ADK: variants seen among roughly 807,000 people sequenced by gnomAD.
ADK encodes adenosine kinase.
Under a neutral mutation model 44.7 loss-of-function variants are expected in ADK, and 24 were observed. The ratio of observed to expected loss-of-function variants is 0.54; its 90% confidence interval spans 0.39 to 0.76. The LOEUF is 0.76. ADK is among the 30% of genes least tolerant of loss of function. The probability of loss-of-function intolerance (pLI) is 0.00; values close to 1 mark genes in which losing one functional copy is unlikely to be tolerated. For missense variants in ADK, 321 were observed against 425.1 expected (o/e 0.76, Z 2.15); for synonymous variants, 128 against 142.6 (o/e 0.90, Z 0.73).
At chr10:74,403,865 T>TTTTTG (rs745739749) in intron 6 of ADK, among the ~76,000 whole-genome samples, 10 of 152,128 alleles carry the variant, frequency 6.6e-5, no homozygotes, top group South Asian at 2.1e-4. Context: ...CCTATTCCTT[T>TTTTTG]TTTTGTTTTG....
intron 4 of ADK, among the ~76,000 whole-genome samples, chr10:74,347,105 TCAAAAAAAAAAAAAAAAAAAAA>T (rs1564666727): frequency 3.3e-5 from 1 of 30,336 alleles, no homozygotes. Context: ...ACACTCTGTC[TCAAAAAAAAAAAAAAAAAAAAA>T]AAAAAAAAAA....
intron 7 of ADK, among the ~76,000 whole-genome samples, chr10:74,570,839 TGA>T (rs1403000510): frequency 6.6e-6 from 1 of 152,124 alleles, no homozygotes; most frequent in Non-Finnish European, 1.5e-5. Flanking sequence ...ATAGGAGTGG[TGA>T]GAGAGGGCAT....
rs780953296 is a variant in ADK, at chr10:74,669,036, TA to T, written c.878-1133del. On this transcript the variant is annotated intron_variant, in intron 9 of 10. Coordinates refer to ENST00000539909, the MANE Select transcript of ADK (RefSeq NM_006721.4). ...CCAGCCTGGATGACAGAGCAAGACC[TA>T]AAAAAAAAAAAAAGATTTTAAAAAA... Among the ~76,000 whole-genome samples, 707 of 131,402 alleles carry T rather than the reference TA, an allele frequency of 5.4e-3. 2 individuals are homozygous for T. Among genetic ancestry groups the T allele is most frequent in the South Asian group, 0.038 (159 of 4,154 alleles). The allele number at this position is 131,402 out of a possible 152,430, so 86.2% of individuals were successfully genotyped here. A position where few individuals can be genotyped will look rare whatever the true frequency, so the allele number is the denominator to read the frequency against.
intron 10 of ADK, among the ~76,000 whole-genome samples, chr10:74,676,211 C>A (rs1444066667): frequency 6.6e-6 from 1 of 152,130 alleles, no homozygotes; most frequent in Non-Finnish European, 1.5e-5. Flanking sequence ...CTCACTACAA[C>A]CTCTGCCTTT....
intron 10 of ADK, among the ~76,000 whole-genome samples, chr10:74,671,476 A>G (rs1462930381): frequency 6.6e-6 from 1 of 152,228 alleles, no homozygotes; most frequent in Non-Finnish European, 1.5e-5. Context: ...TTCTTTGGAA[A>G]GAGTCTGTAC....
rs147417473 is a variant in ADK, at chr10:74,553,742, C to T, written c.726+28316C>T. On this transcript the variant is annotated intron_variant, in intron 7 of 10. Coordinates refer to ENST00000539909, the MANE Select transcript of ADK (RefSeq NM_006721.4). ...CTGGTAAGAGACAGTAGAAAACTTT[C>T]TGGGATTATAGAAATGTTCTATGTC... Among the ~76,000 whole-genome samples, 618 of 152,180 alleles carry T rather than the reference C, an allele frequency of 4.1e-3. 8 individuals are homozygous for T. The highest frequency in any genetic ancestry group is 0.014 in the African/African-American group (567 of 41,522).
At chr10:74,409,472 G>T (rs927439470) in intron 6 of ADK, among the ~76,000 whole-genome samples, 3 of 152,160 alleles carry the variant, frequency 2.0e-5, no homozygotes, top group Non-Finnish European at 4.4e-5. Flanking sequence ...GTCATATCTT[G>T]TCAATAATTT....
At chr10:74,665,471 G>A (rs1191845609) in intron 9 of ADK, among the ~76,000 whole-genome samples, 1 of 152,130 alleles carries the variant, frequency 6.6e-6, no homozygotes, top group Non-Finnish European at 1.5e-5. Flanking sequence ...GCCAAGTGTG[G>A]TGACTCATGC....
intron 6 of ADK, among the ~76,000 whole-genome samples, chr10:74,401,557 G>T (rs1002990079): frequency 6.6e-6 from 1 of 151,644 alleles, no homozygotes; most frequent in African/African-American, 2.4e-5. Flanking sequence ...GACTAGGATT[G>T]CAACCCCTGC....
chr10:74,175,066 C>T (rs763852579), intron 1 of ADK, among the ~76,000 whole-genome samples: 16 of 152,216 alleles, frequency 1.1e-4, no homozygotes, highest in Admixed American at 2.0e-4. Flanking sequence ...ATGCAAGATT[C>T]CTGTAATTTT....
At chr10:74,304,852 C>T (rs999234701) in intron 3 of ADK, among the ~76,000 whole-genome samples, 6 of 151,982 alleles carry the variant, frequency 3.9e-5, no homozygotes, top group Admixed American at 2.6e-4. Flanking sequence ...GCTTAAATAT[C>T]GTGGAACACA....
intron 9 of ADK, among the ~76,000 whole-genome samples, chr10:74,664,915 A>T (rs1377754205): frequency 6.6e-6 from 1 of 152,244 alleles, no homozygotes; most frequent in Non-Finnish European, 1.5e-5. Flanking sequence ...AAAATACATT[A>T]GGACAATTAA....
intron 4 of ADK, among the ~76,000 whole-genome samples, chr10:74,351,688 C>T (rs575064709): frequency 2.0e-5 from 3 of 152,178 alleles, no homozygotes; most frequent in Middle Eastern, 3.4e-3. Flanking sequence ...CAGCCCAAAA[C>T]CTCCTTAAGC....
chr10:74,648,712 A>G (rs181801940), intron 9 of ADK, among the ~76,000 whole-genome samples: 1 of 152,094 alleles, frequency 6.6e-6, no homozygotes, highest in Non-Finnish European at 1.5e-5. Flanking sequence ...AACAATAATT[A>G]TATGTTAATG....
chr10:74,307,555 T>A (rs1165106935), intron 3 of ADK, among the ~76,000 whole-genome samples: 2 of 152,202 alleles, frequency 1.3e-5, no homozygotes, highest in Non-Finnish European at 1.5e-5. Context: ...TCAGTAGGAA[T>A]GTTGGCTGTG....
At chr10:74,615,648 G>A (rs932719519) in intron 9 of ADK, among the ~76,000 whole-genome samples, 3 of 152,072 alleles carry the variant, frequency 2.0e-5, no homozygotes, top group Non-Finnish European at 4.4e-5. Context: ...TTTCTGATGT[G>A]TAGTGAGATG....
intron 6 of ADK, among the ~76,000 whole-genome samples, chr10:74,412,422 T>C (rs889219209): frequency 7.9e-5 from 12 of 152,282 alleles, no homozygotes; most frequent in African/African-American, 2.9e-4. Flanking sequence ...ATTGCAGGTG[T>C]GAGCCACCAT....
chr10:74,152,587 T>C (rs1255326145), intron 1 of ADK, among the ~76,000 whole-genome samples: 1 of 152,172 alleles, frequency 6.6e-6, no homozygotes, highest in Non-Finnish European at 1.5e-5. Flanking sequence ...CTACTGAACA[T>C]ATAACCCTTA....
At chr10:74,590,049 A>T (rs946711965) in intron 8 of ADK, among the ~76,000 whole-genome samples, 1 of 152,112 alleles carries the variant, frequency 6.6e-6, no homozygotes, top group Non-Finnish European at 1.5e-5. Context: ...CGTGTTTTTT[A>T]TCTGTATAAT....
Sources: allele counts gnomAD v4.1 joint callset (sites outside exome capture counted in the v4.1 genomes callset), GRCh38; gene constraint gnomAD v4.1.1; transcripts MANE v1.5; gene names NCBI Gene and HGNC (gene_info 2026-07-23, HGNC 2026-07-21).